Variants in PKD1L3 observed in about 807,000 individuals in gnomAD.
The protein encoded by PKD1L3 is polycystin-1-like protein 3.
Under a neutral mutation model 184.1 loss-of-function variants are expected in PKD1L3, and 239 were observed. The observed-to-expected ratio is 1.30, with a 90% CI of 1.17 to 1.45. The LOEUF is 1.45. Ranked by LOEUF, PKD1L3 falls within the 40% of genes most tolerant of loss-of-function variation. The pLI, the probability that PKD1L3 is intolerant of heterozygous loss-of-function variation, is 0.00. For synonymous variants in PKD1L3, 996 were observed against 778.8 expected (o/e 1.28, Z -4.64); for missense variants, 2,660 against 2,067.2 (o/e 1.29, Z -5.56).
intron 7 of PKD1L3, 138 bp from the exon 8 acceptor site, chr16:71,980,272 G>T: frequency 8.5e-7 from 1 of 1,180,672 alleles, no homozygotes; most frequent in Non-Finnish European, 1.2e-6. Flanking sequence ...GAGGACCTTG[G>T]AATCTCACAG....
At chr16:71,992,026 G>A (rs2040608565) in intron 3 of PKD1L3, among the ~76,000 whole-genome samples, 1 of 151,914 alleles carries the variant, frequency 6.6e-6, no homozygotes, top group Admixed American at 6.6e-5. Flanking sequence ...CCAGTATGTT[G>A]CCCAGGTTGG....
At chr16:71,935,100 C>T (rs146722550) in intron 26 of PKD1L3, among the ~76,000 whole-genome samples, 3 of 152,342 alleles carry the variant, frequency 2.0e-5, no homozygotes, top group Admixed American at 2.0e-4. Flanking sequence ...ATTCCAGGCC[C>T]TTCTGAAATT....
At chr16:71,990,510 A>G (rs1039299830) in intron 3 of PKD1L3, among the ~76,000 whole-genome samples, 181 bp from the exon 4 acceptor site, 1 of 152,202 alleles carries the variant, frequency 6.6e-6, no homozygotes, top group Non-Finnish European at 1.5e-5. Flanking sequence ...AGGCAGGCAG[A>G]TCACTTGAGG....
chr16:71,985,417 G>C (rs1399882652), intron 5 of PKD1L3, among the ~76,000 whole-genome samples: 1 of 152,090 alleles, frequency 6.6e-6, no homozygotes, highest in Non-Finnish European at 1.5e-5. Flanking sequence ...TACTGTCAAA[G>C]GGACTTTGCC....
At chr16:71,991,193 G>A (rs1264590867) in intron 3 of PKD1L3, 2 of 211,560 alleles carry the variant, frequency 9.5e-6, no homozygotes, top group African/African-American at 4.7e-5. Flanking sequence ...TCCTCTTGGA[G>A]TTGTACCTGA....
In PKD1L3 at chr16:71,942,693, G is replaced by C. The variant is rs1183744562; in HGVS notation, c.4191C>G (p.Ser1397Arg). Residue 1397 changes from serine to arginine, a missense_variant, in exon 24 of 30, where the codon AGC becomes AGG. Coordinates refer to ENST00000620267, the MANE Select transcript of PKD1L3 (RefSeq NM_181536.2). ...DNGHTCGRPKSLFPGLHLRRF... is the reference protein window; with the variant it reads ...DNGHTCGRPKRLFPGLHLRRF... ...TCCTTAGATGAAGTCCAGGGAATAG[G>C]CTCTTGGGACGCCCACAGGTATGGC... 1 of 1,551,558 alleles carries C rather than the reference G, an allele frequency of 6.4e-7. No homozygotes were observed. The highest frequency in any genetic ancestry group is 8.7e-7 in the Non-Finnish European group (1 of 1,147,004).
intron 24 of PKD1L3, 146 bp downstream of exon 24, chr16:71,942,414 T>C (rs1274477604): frequency 3.6e-6 from 2 of 550,772 alleles, no homozygotes; most frequent in Non-Finnish European, 6.6e-6. Context: ...ATAAAAACAC[T>C]TTTGGAGATG....
chr16:71,995,112 G>T (rs2040738616), intron 2 of PKD1L3, among the ~76,000 whole-genome samples: 1 of 152,140 alleles, frequency 6.6e-6, no homozygotes, highest in African/African-American at 2.4e-5. Flanking sequence ...TCACAGTTCT[G>T]GAGGCTGGAC....
Position 71,977,270 on chromosome 16 carries a change from G to A in PKD1L3, c.1725C>T (p.Asn575=), listed in dbSNP as rs1211312562. 3.9e-6 allele frequency: 6 copies of A among 1,535,682 alleles called. No individual in the cohort carries two copies. The highest frequency in any genetic ancestry group is 5.3e-6 in the Non-Finnish European group (6 of 1,132,476). The stretch of plus-strand genomic sequence containing the variant: ...ACACCTTATCCTTTGGAAGGGTGAT[G>A]TTCAGGTGGAAGTGAGTGCAGTTAG... ...YQPNCTHFHL[N]ITLPKDKVWQ... Residue 575 remains asparagine, a synonymous_variant, in exon 11 of 30, where the codon AAC becomes AAT. Coordinates refer to ENST00000620267, the MANE Select transcript of PKD1L3 (RefSeq NM_181536.2).
At chr16:71,996,956 T>C (rs1325400940) in intron 2 of PKD1L3, among the ~76,000 whole-genome samples, 1 of 148,764 alleles carries the variant, frequency 6.7e-6, no homozygotes, top group Non-Finnish European at 1.5e-5. Context: ...CTTTGATTTT[T>C]TTTTTTTTTT....
chr16:71,948,823 A>AAAAAAAAAAT (rs2038720044), intron 21 of PKD1L3, among the ~76,000 whole-genome samples: 1 of 150,548 alleles, frequency 6.6e-6, no homozygotes, highest in South Asian at 2.1e-4. Context: ...AAAAAAAAAA[A>AAAAAAAAAAT]AAGTCACTTT....
rs902402043 is a variant in PKD1L3 at position 71,998,322 on chromosome 16, G to A, written c.368C>T (p.Ser123Leu). Residue 123 changes from serine to leucine, a missense_variant, in exon 2 of 30, where the codon TCA becomes TTA. Transcript: ENST00000620267. ...TYLSRNFIRI[S>L]SKGDKCLLKY... ...CAGTAAGCACTTGTCCCCTTTGGAT[G>A]AGATCCGAATGAAGTTTCTGGACAG... 6.1e-5 allele frequency: 94 copies of A among 1,552,044 alleles called. No homozygotes were observed. Among genetic ancestry groups the A allele is most frequent in the Non-Finnish European group, 7.1e-5 (82 of 1,147,078 alleles).
At chr16:71,974,434 C>T (rs1476415337) in intron 11 of PKD1L3, among the ~76,000 whole-genome samples, 1 of 152,176 alleles carries the variant, frequency 6.6e-6, no homozygotes, top group Non-Finnish European at 1.5e-5. Context: ...AATCCAAGCA[C>T]TTTGGGAGGT....
chr16:71,973,200 C>G lies in PKD1L3; in HGVS notation c.1953+124G>C, dbSNP rs2039783887. 7 of 1,199,038 alleles carry G rather than the reference C, an allele frequency of 5.8e-6. No individual in the cohort carries two copies. In the Admixed American group the frequency reaches 1.5e-4, roughly 25 times the overall value. 74.3% of individuals were successfully genotyped at this position (1,199,038 alleles called of 1,614,324 possible). ...ACCCTCCTCCCTCCTTTTGCCCAGGCAGAGTTATTTCAAACCACCTGATTA... is the reference window on the plus strand; with the variant it reads ...ACCCTCCTCCCTCCTTTTGCCCAGGGAGAGTTATTTCAAACCACCTGATTA... On this transcript the variant is annotated intron_variant, in intron 12 of 29. Coordinates refer to ENST00000620267, the MANE Select transcript of PKD1L3 (RefSeq NM_181536.2).
intron 21 of PKD1L3, 112 bp downstream of exon 21, chr16:71,949,671 T>C: frequency 9.6e-7 from 1 of 1,036,362 alleles, no homozygotes. Context: ...CTATTTGTTT[T>C]TTGTTGTTTA....
chr16:71,930,322 A>G (rs976797827), intron 28 of PKD1L3, 139 bp from the exon 29 acceptor site: 11 of 835,114 alleles, frequency 1.3e-5, no homozygotes, highest in African/African-American at 1.2e-4. Context: ...TCAAAAGATA[A>G]TAAGAAGGAA....
chr16:71,978,336 G>A lies in PKD1L3; in HGVS notation c.1446C>T (p.Asn482=). The change falls in exon 10 of 30, where the codon AAC becomes AAT. Residue 482 remains asparagine, a synonymous_variant. Coordinates refer to ENST00000620267, the MANE Select transcript of PKD1L3 (RefSeq NM_181536.2). ...FNPFKDLDNR[N]IVGSIGSVLL... ...ACACACTTCCAATGCTTCCAACAAT[G>A]TTTCTGTTGTCCAAATCCTTGAAGG... 4.5e-6 allele frequency: 7 copies of A among 1,550,538 alleles called. No homozygotes were observed. The highest frequency in any genetic ancestry group is 1.7e-4 in the Middle Eastern group (1 of 5,986).
rs1225978354 is a variant in PKD1L3, at chr16:71,977,266, T to G, written c.1729A>C (p.Thr577Pro). The part of the protein sequence containing the change: ...PNCTHFHLNI[T>P]LPKDKVWQKD... ...TGCCACACCTTATCCTTTGGAAGGG[T>G]GATGTTCAGGTGGAAGTGAGTGCAG... The change falls in exon 11 of 30, where the codon ACC (threonine) becomes CCC (proline). Residue 577 changes from threonine to proline, a missense_variant. Physicochemically the swap from Thr to Pro is conservative, Grantham distance 38. Transcript: ENST00000620267. 1 of 1,533,896 alleles carries G rather than the reference T, an allele frequency of 6.5e-7. No individual in the cohort carries two copies.
chr16:71,984,694 A>G (rs1395559566), intron 5 of PKD1L3, among the ~76,000 whole-genome samples: 2 of 152,180 alleles, frequency 1.3e-5, no homozygotes, highest in African/African-American at 2.4e-5. Context: ...CCCTGTCTCT[A>G]CTAAAAATAC....
Sources: gnomAD v4.1 joint callset for allele counts (sites outside exome capture counted in the v4.1 genomes callset) on GRCh38, gnomAD v4.1.1 for gene constraint, MANE v1.5 for transcripts, NCBI Gene and HGNC (gene_info 2026-07-23, HGNC 2026-07-21) for gene names.